The following GPC5 variants were observed in gnomAD, a reference collection of about 807,000 sequenced individuals.
The protein encoded by GPC5 is glypican-5.
A neutral mutation model predicts 53.9 loss-of-function variants in GPC5; 47 were observed. The observed-to-expected ratio is 0.87, with a 90% confidence interval of 0.69 to 1.11. The LOEUF (loss-of-function observed/expected upper bound fraction) is 1.11. Among genes scored for constraint, GPC5 ranks in the 50% most tolerant of loss-of-function variants. The pLI is 0.00. For missense variants in GPC5, 748 were observed against 713.1 expected (o/e 1.05, Z -0.56); for synonymous variants, 286 against 263.3 (o/e 1.09, Z -0.84).
chr13:92,517,810 A>G (rs1014023894), intron 7 of GPC5, among the ~76,000 whole-genome samples: 5 of 152,260 alleles, frequency 3.3e-5, no homozygotes, highest in Non-Finnish European at 7.3e-5. Context: ...CTCGCCAGCA[A>G]TGGAACAAAG....
intron 7 of GPC5, among the ~76,000 whole-genome samples, chr13:92,264,324 T>C (rs2042786203): frequency 6.6e-6 from 1 of 152,122 alleles, no homozygotes; most frequent in African/African-American, 2.4e-5. Flanking sequence ...TGAACTACCT[T>C]GTAAGAGTAA....
intron 1 of GPC5, among the ~76,000 whole-genome samples, chr13:91,426,675 A>C (rs1879078999): frequency 6.6e-6 from 1 of 152,172 alleles, no homozygotes; most frequent in South Asian, 2.1e-4. Context: ...TCATGGGAGA[A>C]AGATGGAGGC....
At chr13:91,450,559 T>C (rs1881111215) in intron 2 of GPC5, among the ~76,000 whole-genome samples, 1 of 152,160 alleles carries the variant, frequency 6.6e-6, no homozygotes, top group Non-Finnish European at 1.5e-5. Context: ...GGATTGAGGC[T>C]GGTGAAAAGT....
chr13:91,777,357 T>C (rs1183406820), intron 5 of GPC5, among the ~76,000 whole-genome samples: 1 of 152,228 alleles, frequency 6.6e-6, no homozygotes, highest in Non-Finnish European at 1.5e-5. Context: ...CTGTTCTTAG[T>C]TATGCTGTTA....
chr13:91,862,731 T>C (rs891408296), intron 5 of GPC5, among the ~76,000 whole-genome samples: 20 of 152,148 alleles, frequency 1.3e-4, no homozygotes, highest in African/African-American at 4.6e-4. Flanking sequence ...AAATTAATGT[T>C]AATATATTGC....
rs1013706982 is a variant in GPC5, at chr13:92,852,051, G to C, written c.1562-14231G>C. ...TTCCTCGCTGGTCCCAGAGAGATTC[G>C]GAGTACCAACAGGAGGACAACAGGA... On this transcript the variant is annotated intron_variant, in intron 7 of 7. Transcript: ENST00000377067. 3.3e-5 allele frequency among the ~76,000 whole-genome samples: 5 copies of C among 152,152 alleles called. No homozygotes were observed. In the South Asian group the frequency reaches 1.0e-3, roughly 32 times the overall value.
intron 6 of GPC5, among the ~76,000 whole-genome samples, chr13:92,131,176 A>T (rs2041740166): frequency 6.6e-6 from 1 of 152,012 alleles, no homozygotes; most frequent in African/African-American, 2.4e-5. Flanking sequence ...AAAATGACCG[A>T]TAATATCAAG....
rs532983193 is a variant in GPC5 at position 92,554,631 on chromosome 13, T to C, written c.1562-311651T>C. On this transcript the variant is annotated intron_variant, in intron 7 of 7. Transcript: ENST00000377067. Reference sequence around the variant, plus strand: ...AATAAACAATAAATTATTTTTCAAATATAAACAAGACAGAAATAAAGGAGA... The same window carrying C: ...AATAAACAATAAATTATTTTTCAAACATAAACAAGACAGAAATAAAGGAGA... Among the ~76,000 whole-genome samples, 186 of 151,042 alleles carry C rather than the reference T, an allele frequency of 1.2e-3. 1 individual carries two copies. Among genetic ancestry groups the C allele is most frequent in the African/African-American group, 4.4e-3 (183 of 41,356 alleles).
chr13:92,189,880 G>A (rs1037264094), intron 7 of GPC5, among the ~76,000 whole-genome samples: 13 of 152,160 alleles, frequency 8.5e-5, no homozygotes, highest in Non-Finnish European at 1.3e-4. Flanking sequence ...TGAAGATTTC[G>A]CAACAGACAC....
intron 1 of GPC5, among the ~76,000 whole-genome samples, chr13:91,422,733 C>A (rs548567565): frequency 2.2e-4 from 34 of 152,240 alleles, no homozygotes; most frequent in African/African-American, 7.7e-4. Flanking sequence ...CTGGTGGGGA[C>A]TCTGCAGAGT....
At chr13:92,609,559 T>C (rs1180155935) in intron 7 of GPC5, among the ~76,000 whole-genome samples, 1 of 152,148 alleles carries the variant, frequency 6.6e-6, no homozygotes, top group Admixed American at 6.5e-5. Flanking sequence ...GTTAACGTAA[T>C]GGACCTGAAC....
At chr13:91,966,328 TA>T (rs1483051484) in intron 6 of GPC5, among the ~76,000 whole-genome samples, 1 of 152,168 alleles carries the variant, frequency 6.6e-6, no homozygotes, top group South Asian at 2.1e-4. Flanking sequence ...ATGGGAGCAG[TA>T]AATGGTCAGA....
Position 91,713,215 on chromosome 13 carries a change from A to G in GPC5, c.1021-15317A>G, listed in dbSNP as rs529407510. Among the ~76,000 whole-genome samples the G allele has an allele frequency of 2.0e-5, 3 of 151,060 alleles. No individual in the cohort carries two copies. In the South Asian group the frequency reaches 6.3e-4, roughly 32 times the overall value. ...TAAATAAATAAGTAAATAAATAAAT[A>G]AATAAGTCACAAGCCTTCATATTAT... On this transcript the variant is annotated intron_variant, in intron 3 of 7. Transcript: ENST00000377067.
chr13:92,753,365 C>T (rs1266576806), intron 7 of GPC5, among the ~76,000 whole-genome samples: 1 of 152,090 alleles, frequency 6.6e-6, no homozygotes, highest in East Asian at 1.9e-4. Flanking sequence ...GTAGATAAAA[C>T]CACAAAGATG....
At chr13:91,553,208 T>C (rs2030748628) in intron 2 of GPC5, among the ~76,000 whole-genome samples, 1 of 104,308 alleles carries the variant, frequency 9.6e-6, no homozygotes. Flanking sequence ...CTGAAATATT[T>C]TCTTTCACTC....
At chr13:91,761,268 G>A (rs951744967) in intron 5 of GPC5, among the ~76,000 whole-genome samples, 1 of 152,092 alleles carries the variant, frequency 6.6e-6, no homozygotes, top group African/African-American at 2.4e-5. Flanking sequence ...TATCTGTTAA[G>A]TACCTTTTTG....
At chr13:92,321,464 G>T (rs1262225721) in intron 7 of GPC5, among the ~76,000 whole-genome samples, 2 of 152,138 alleles carry the variant, frequency 1.3e-5, no homozygotes. Context: ...GGTGGCACAT[G>T]CCTCTAATCC....
chr13:91,599,584 A>G (rs2033110102), intron 2 of GPC5, among the ~76,000 whole-genome samples: 1 of 152,204 alleles, frequency 6.6e-6, no homozygotes, highest in Non-Finnish European at 1.5e-5. Flanking sequence ...AAAAAAATAT[A>G]CATAAGTAAA....
intron 6 of GPC5, among the ~76,000 whole-genome samples, chr13:92,122,142 T>C (rs1215207294): frequency 6.6e-6 from 1 of 152,160 alleles, no homozygotes; most frequent in Non-Finnish European, 1.5e-5. Flanking sequence ...AGTAATTACT[T>C]TGCCCAGGAA....
Sources: gnomAD v4.1 joint callset for allele counts (sites outside exome capture counted in the v4.1 genomes callset) on GRCh38, gnomAD v4.1.1 for gene constraint, MANE v1.5 for transcripts, NCBI Gene and HGNC (gene_info 2026-07-23, HGNC 2026-07-21) for gene names.